Variants in IKZF1 observed in about 807,000 individuals in gnomAD.
IKZF1 encodes DNA-binding protein Ikaros.
In IKZF1, 10 loss-of-function variants were observed where a neutral mutation model predicts 51.7. The observed-to-expected ratio is 0.19, with a 90% CI of 0.12 to 0.33. The LOEUF is 0.33. Ranked by LOEUF, IKZF1 falls within the 10% of genes least tolerant of loss-of-function variation. The probability of loss-of-function intolerance (pLI) is 1.00; values close to 1 mark genes in which losing one functional copy is unlikely to be tolerated. For synonymous variants in IKZF1, 280 were observed against 282.3 expected (o/e 0.99, Z 0.08); for missense variants, 484 against 707.5 (o/e 0.68, Z 3.58).
intron 4 of IKZF1, among the ~76,000 whole-genome samples, chr7:50,381,387 T>C (rs34672220): frequency 0.062 from 9,414 of 152,300 alleles, 478 homozygotes; most frequent in South Asian, 0.093. Flanking sequence ...TTCTTCTAAA[T>C]AAAGCATTTG....
chr7:50,309,562 T>G (rs903498663), intron 1 of IKZF1, among the ~76,000 whole-genome samples: 1 of 152,178 alleles, frequency 6.6e-6, no homozygotes, highest in African/African-American at 2.4e-5. Flanking sequence ...TTACACATAT[T>G]GAAGTAGATT....
rs575761980 is a variant in IKZF1 at position 50,359,053 on chromosome 7, A to G, written c.161-17480A>G. Among the ~76,000 whole-genome samples, 11 of 152,262 alleles carry G rather than the reference A, an allele frequency of 7.2e-5. No individual in the cohort carries two copies. In the South Asian group the frequency reaches 1.0e-3, roughly 14 times the overall value. On this transcript the variant is annotated intron_variant, in intron 3 of 7. Coordinates refer to ENST00000331340, the MANE Select transcript of IKZF1 (RefSeq NM_006060.6). ...GGTGGAAGGATCATGTGTGCTCAGGAGTTTCAGACCAACCTAGGCAATATG... is the reference window on the plus strand; with the variant it reads ...GGTGGAAGGATCATGTGTGCTCAGGGGTTTCAGACCAACCTAGGCAATATG...
At chr7:50,331,293 A>G (rs1796390699) in intron 3 of IKZF1, among the ~76,000 whole-genome samples, 1 of 152,142 alleles carries the variant, frequency 6.6e-6, no homozygotes, top group South Asian at 2.1e-4. Flanking sequence ...ACAAACTGAA[A>G]ACAGCCAAAA....
At chr7:50,342,647 C>CTT (rs1270027408) in intron 3 of IKZF1, among the ~76,000 whole-genome samples, 11 of 137,692 alleles carry the variant, frequency 8.0e-5, no homozygotes, top group African/African-American at 2.4e-4. Flanking sequence ...GAAGGAAAGG[C>CTT]TTTTTTTTTT....
intron 1 of IKZF1, among the ~76,000 whole-genome samples, chr7:50,317,577 T>C (rs1584427301): frequency 1.3e-5 from 2 of 152,162 alleles, no homozygotes; most frequent in African/African-American, 2.4e-5. Flanking sequence ...TGAAATACTT[T>C]TTCTGTACAG....
chr7:50,352,937 CCT>C (rs1441924113), intron 3 of IKZF1, among the ~76,000 whole-genome samples: 1 of 152,164 alleles, frequency 6.6e-6, no homozygotes, highest in Non-Finnish European at 1.5e-5. Context: ...TTTGTATTTT[CCT>C]CTCTTACATA....
At chr7:50,399,232 G>C (rs1209255000) in intron 7 of IKZF1, among the ~76,000 whole-genome samples, 1 of 152,110 alleles carries the variant, frequency 6.6e-6, no homozygotes, top group Non-Finnish European at 1.5e-5. Context: ...CCTGCTTCGG[G>C]CCTGCCAACT....
At chr7:50,347,667 G>A (rs767193429) in intron 3 of IKZF1, among the ~76,000 whole-genome samples, 42 of 152,140 alleles carry the variant, frequency 2.8e-4, no homozygotes, top group Non-Finnish European at 4.7e-4. Context: ...TTTTATTTTC[G>A]TGAGTGGAAA....
At position 50,320,340 on chromosome 7, in the gene IKZF1, G is replaced by T. The variant is rs116160330; in HGVS notation, c.40+1239G>T. 5.1e-3 allele frequency among the ~76,000 whole-genome samples: 775 copies of T among 152,022 alleles called. 9 individuals are homozygous for T. The highest frequency in any genetic ancestry group is 0.018 in the African/African-American group (745 of 41,466). ...GTGTACATAGACACAAAATAATTGGGTACATAGTGATGTTGTGATATATAC... is the reference window on the plus strand; with the variant it reads ...GTGTACATAGACACAAAATAATTGGTTACATAGTGATGTTGTGATATATAC... On this transcript the variant is annotated intron_variant, in intron 2 of 7. Coordinates refer to ENST00000331340, the MANE Select transcript of IKZF1 (RefSeq NM_006060.6).
intron 2 of IKZF1, among the ~76,000 whole-genome samples, chr7:50,319,942 A>G (rs73112992): frequency 0.092 from 14,026 of 152,152 alleles, 870 homozygotes; most frequent in South Asian, 0.23. Flanking sequence ...ACCAGGACCT[A>G]TGTGTGGCTG....
At chr7:50,334,145 A>T (rs1584551901) in intron 3 of IKZF1, among the ~76,000 whole-genome samples, 1 of 152,226 alleles carries the variant, frequency 6.6e-6, no homozygotes, top group East Asian at 1.9e-4. Context: ...ATGTTTAGGG[A>T]TCATGATGTC....
Position 50,401,137 on chromosome 7 carries a change from C to T in IKZF1, c.*510C>T. 1 of 247,838 alleles carries T rather than the reference C, an allele frequency of 4.0e-6. No homozygotes were observed. Among genetic ancestry groups the T allele is most frequent in the Non-Finnish European group, 7.8e-6 (1 of 128,830 alleles). The allele number at this position is 247,838 out of a possible 1,614,324, so 15.4% of individuals were successfully genotyped here. ...CCGCCACCCAAGTGCCAAGACACAG[C>T]AGGGCCAACAACCTGTGCCCAGGCC... On this transcript the variant is annotated 3_prime_UTR_variant, in exon 8 of 8. Coordinates refer to ENST00000331340, the MANE Select transcript of IKZF1 (RefSeq NM_006060.6).
chr7:50,391,430 T>C (rs1434021350), intron 6 of IKZF1, among the ~76,000 whole-genome samples: 1 of 152,240 alleles, frequency 6.6e-6, no homozygotes, highest in Non-Finnish European at 1.5e-5. Context: ...CAAAGGGACA[T>C]CAATACTTAA....
At chr7:50,384,346 C>T (rs1812743432) in intron 5 of IKZF1, among the ~76,000 whole-genome samples, 2 of 152,234 alleles carry the variant, frequency 1.3e-5, no homozygotes, top group Non-Finnish European at 2.9e-5. Context: ...GACCTCCTTC[C>T]TGGCGGTGCA....
At position 50,346,152 on chromosome 7, in the gene IKZF1, A is replaced by C. The variant is rs150082160; in HGVS notation, c.160+18395A>C. On this transcript the variant is annotated intron_variant, in intron 3 of 7. Transcript: ENST00000331340. ...GCTGCCCACAGAGCTAGCCATGTGC[A>C]CGGTGTGTTTGAACAATGTTATGTT... 1.3e-3 allele frequency among the ~76,000 whole-genome samples: 200 copies of C among 152,298 alleles called. 1 individual carries two copies. The highest frequency in any genetic ancestry group is 0.01 in the Middle Eastern group (3 of 294).
At chr7:50,313,097 C>T (rs1305662127) in intron 1 of IKZF1, among the ~76,000 whole-genome samples, 3 of 152,198 alleles carry the variant, frequency 2.0e-5, no homozygotes, top group African/African-American at 7.2e-5. Context: ...AAAGACTTTG[C>T]ACATTGCCTT....
At position 50,319,092 on chromosome 7, in the gene IKZF1, C is replaced by T; in HGVS notation, c.31C>T (p.Gln11Ter). 6.2e-7 allele frequency: 1 copy of T among 1,613,516 alleles called. No homozygotes were observed. The highest frequency in any genetic ancestry group is 8.5e-7 in the Non-Finnish European group (1 of 1,179,584). ...TGCTGATGAGGGTCAAGACATGTCC[C>T]AAGTTTCAGGTGAGACCTTATGAGA... MDADEGQDMS[Q>*]VSGKESPPVS... Residue 11 changes from glutamine to a stop codon, truncating the protein, a stop_gained, in exon 2 of 8, where the codon CAA (glutamine) becomes TAA (stop). Transcript: ENST00000331340. LOFTEE classifies it high-confidence loss of function.
At chr7:50,378,643 G>A (rs1810981059) in intron 4 of IKZF1, among the ~76,000 whole-genome samples, 1 of 152,232 alleles carries the variant, frequency 6.6e-6, no homozygotes, top group African/African-American at 2.4e-5. Context: ...TACATTTAAT[G>A]AATAAACCTG....
At position 50,404,948 on chromosome 7, in the gene IKZF1, T is replaced by C. The variant is rs1250754970; in HGVS notation, c.*4321T>C. On this transcript the variant is annotated 3_prime_UTR_variant, in exon 8 of 8. Coordinates refer to ENST00000331340, the MANE Select transcript of IKZF1 (RefSeq NM_006060.6). ...TGGGGTAAATTTAAAAGTCAAGTTA[T>C]AGTTTGGATGTTAGTATAGAATTTT... 3 of 210,424 alleles carry C rather than the reference T, an allele frequency of 1.4e-5. No individual in the cohort carries two copies. Among genetic ancestry groups the C allele is most frequent in the Non-Finnish European group, 2.9e-5 (3 of 103,708 alleles). 13.0% of individuals were successfully genotyped at this position (210,424 alleles called of 1,614,324 possible).
Sources: allele counts gnomAD v4.1 joint callset (sites outside exome capture counted in the v4.1 genomes callset), GRCh38; gene constraint gnomAD v4.1.1; transcripts MANE v1.5; gene names NCBI Gene and HGNC (gene_info 2026-07-23, HGNC 2026-07-21).